HHIPL2: variants seen among roughly 807,000 people sequenced by gnomAD.
The protein encoded by HHIPL2 is HHIP-like protein 2.
A neutral mutation model predicts 61.0 loss-of-function variants in HHIPL2; 61 were observed. The ratio of observed to expected loss-of-function variants is 1.00; its 90% CI spans 0.81 to 1.24. HHIPL2 has a LOEUF of 1.24. HHIPL2 is among the 50% of genes most tolerant of loss of function. The pLI, the probability that HHIPL2 is intolerant of heterozygous loss-of-function variation, is 0.00. For synonymous variants in HHIPL2, 343 were observed against 357.4 expected (o/e 0.96, Z 0.45); for missense variants, 885 against 910.2 (o/e 0.97, Z 0.36).
At chr1:222,527,554 A>G (rs1396880083) in intron 6 of HHIPL2, among the ~76,000 whole-genome samples, 1 of 150,356 alleles carries the variant, frequency 6.7e-6, no homozygotes, top group Non-Finnish European at 1.5e-5. Flanking sequence ...GACCCTCCCC[A>G]CTCTCCATTT....
intron 7 of HHIPL2, among the ~76,000 whole-genome samples, chr1:222,526,641 G>A (rs1486236404): frequency 6.7e-6 from 1 of 150,030 alleles, no homozygotes; most frequent in African/African-American, 2.5e-5. Context: ...GGAGGCGGAG[G>A]TCGCGGTGAG....
chr1:222,540,903 G>A (rs966196864), intron 3 of HHIPL2, among the ~76,000 whole-genome samples: 4 of 152,130 alleles, frequency 2.6e-5, no homozygotes, highest in African/African-American at 9.7e-5. Flanking sequence ...TAAAGGGTCT[G>A]GGATCTAATG....
At chr1:222,527,101 GAC>G (rs746244752) in intron 6 of HHIPL2, 51 bp from the exon 7 acceptor site, 60 of 1,393,944 alleles carry the variant, frequency 4.3e-5, no homozygotes, top group African/African-American at 8.5e-5. Context: ...GCAGCACTGA[GAC>G]ACAGAGTTGG....
At chr1:222,530,713 C>T (rs1471121974) in intron 6 of HHIPL2, among the ~76,000 whole-genome samples, 2 of 141,422 alleles carry the variant, frequency 1.4e-5, no homozygotes, top group Non-Finnish European at 3.0e-5. Context: ...TGGTTTATAC[C>T]TATAGAGAAT....
chr1:222,522,775 C>A lies in HHIPL2; in HGVS notation c.2001G>T (p.Lys667Asn). ...TGCTGCTTGTAGGAGAAGCCAGCTT[C>A]TTGGAGGAGCCTTTCTCAGACAAAC... ...AQGLSEKGSS[K>N]KLASPTSSKN... The change falls in exon 9 of 9, where the codon AAG becomes AAT. Residue 667 changes from lysine to asparagine, a missense_variant. Lys to Asn is a moderately conservative substitution (Grantham distance 94). Transcript: ENST00000343410. 1 of 1,614,174 alleles carries A rather than the reference C, an allele frequency of 6.2e-7. No homozygotes were observed. The highest frequency in any genetic ancestry group is 8.5e-7 in the Non-Finnish European group (1 of 1,180,034).
intron 2 of HHIPL2, 147 bp downstream of exon 2, chr1:222,543,390 G>T: frequency 1.3e-6 from 1 of 775,698 alleles, no homozygotes; most frequent in Non-Finnish European, 2.1e-6. Flanking sequence ...AGGCTAACTT[G>T]GGCCGTTCTC....
intron 6 of HHIPL2, among the ~76,000 whole-genome samples, chr1:222,527,703 G>T (rs1210864249): frequency 6.6e-6 from 1 of 152,160 alleles, no homozygotes; most frequent in Admixed American, 6.5e-5. Flanking sequence ...CATGTTGTGG[G>T]AGTGACCCAA....
Position 222,547,765 on chromosome 1 carries a change from G to GTC in HHIPL2, c.278_279dup (p.His94AspfsTer59), listed in dbSNP as rs748262144. 11 of 1,614,068 alleles carry GTC rather than the reference G, an allele frequency of 6.8e-6. No homozygotes were observed. In the East Asian group the frequency reaches 2.2e-4, roughly 33 times the overall value. ...TTAATGTAATCTCCACACAGCTCAT[G>GTC]TCTCTTCAGATCAAAATATTCCATG... On this transcript the variant is annotated frameshift_variant, in exon 1 of 9. Coordinates refer to ENST00000343410, the MANE Select transcript of HHIPL2 (RefSeq NM_024746.4). LOFTEE classifies it high-confidence loss of function.
At chr1:222,534,927 A>C (rs918194609) in intron 5 of HHIPL2, among the ~76,000 whole-genome samples, 1 of 152,160 alleles carries the variant, frequency 6.6e-6, no homozygotes, top group Non-Finnish European at 1.5e-5. Flanking sequence ...ATAATGGCCA[A>C]AAATGTTCCA....
chr1:222,522,686 C>A lies in HHIPL2; in HGVS notation c.2090G>T (p.Gly697Val), dbSNP rs1658978476. 1 of 1,614,206 alleles carries A rather than the reference C, an allele frequency of 6.2e-7. No individual in the cohort carries two copies. The highest frequency in any genetic ancestry group is 2.2e-5 in the East Asian group (1 of 44,884). ...KARVGPHVRQ[G>V]KRRKSLKSHS... ...GCTTTTCAGGCTCTTCCTCCTCTTG[C>A]CCTGGCGGACGTGGGGCCCCACTCT... Residue 697 changes from glycine to valine, a missense_variant, in exon 9 of 9, where the codon GGC (glycine) becomes GTC (valine). Transcript: ENST00000343410.
intron 7 of HHIPL2, among the ~76,000 whole-genome samples, chr1:222,525,647 C>T (rs561589053): frequency 1.2e-4 from 19 of 152,306 alleles, no homozygotes; most frequent in African/African-American, 4.6e-4. Flanking sequence ...GCATGTCTAT[C>T]TGTAAGCTAA....
intron 6 of HHIPL2, among the ~76,000 whole-genome samples, chr1:222,530,496 A>C (rs1659164079): frequency 6.6e-6 from 1 of 152,150 alleles, no homozygotes; most frequent in South Asian, 2.1e-4. Context: ...TTTCCTGTTA[A>C]AATACTTGAA....
intron 7 of HHIPL2, 101 bp downstream of exon 7, chr1:222,526,868 C>T: frequency 2.3e-6 from 2 of 867,358 alleles, no homozygotes; most frequent in Non-Finnish European, 1.8e-6. Flanking sequence ...TCATCTAGAA[C>T]ATGAGTTTGC....
intron 4 of HHIPL2, among the ~76,000 whole-genome samples, chr1:222,539,307 G>A (rs35713066): frequency 0.46 from 69,968 of 151,560 alleles, 17,014 homozygotes; most frequent in East Asian, 0.66. Flanking sequence ...CGAGGCAGGC[G>A]GATCACGAGG....
At chr1:222,527,162 G>T in intron 6 of HHIPL2, 112 bp from the exon 7 acceptor site, 1 of 783,562 alleles carries the variant, frequency 1.3e-6, no homozygotes, top group African/African-American at 1.7e-5. Context: ...AATGCAGTGA[G>T]CGCCAAGAAC....
chr1:222,538,166 CTG>C (rs1337968445), intron 5 of HHIPL2, among the ~76,000 whole-genome samples: 1 of 149,014 alleles, frequency 6.7e-6, no homozygotes, highest in African/African-American at 2.5e-5. Flanking sequence ...CAAAACTAAG[CTG>C]TGGTGAGAGT....
In HHIPL2 at chr1:222,540,149, T is replaced by A; in HGVS notation, c.1311A>T (p.Arg437=). 1.2e-6 allele frequency: 2 copies of A among 1,614,276 alleles called. No individual in the cohort carries two copies. Among genetic ancestry groups the A allele is most frequent in the Non-Finnish European group, 1.7e-6 (2 of 1,180,048 alleles). The change falls in exon 4 of 9, where the codon CGA becomes CGT. Residue 437 remains arginine, a synonymous_variant. Coordinates refer to ENST00000343410, the MANE Select transcript of HHIPL2 (RefSeq NM_024746.4). ...DRGDPITRQG[R]GRIFCGDVGQ... ...CCACGTCCCCACAGAATATCCGGCC[T>A]CGGCCCTGGCGCGTGATGGGGTCCC...
At chr1:222,525,573 C>T (rs929613847) in intron 7 of HHIPL2, among the ~76,000 whole-genome samples, 1 of 152,148 alleles carries the variant, frequency 6.6e-6, no homozygotes. Flanking sequence ...ACCTATTTGC[C>T]TCATGTCTGC....
chr1:222,526,517 C>T (rs1048007711), intron 7 of HHIPL2, among the ~76,000 whole-genome samples: 1 of 151,944 alleles, frequency 6.6e-6, no homozygotes, highest in East Asian at 1.9e-4. Flanking sequence ...ACCAGCCTGA[C>T]CAACATGGAG....
Sources: allele counts gnomAD v4.1 joint callset (sites outside exome capture counted in the v4.1 genomes callset), GRCh38; gene constraint gnomAD v4.1.1; transcripts MANE v1.5; gene names NCBI Gene and HGNC (gene_info 2026-07-23, HGNC 2026-07-21).